Variants in RDX observed in about 807,000 individuals in gnomAD.
RDX encodes the protein radixin.
Under a neutral mutation model 83.7 loss-of-function variants are expected in RDX, and 32 were observed. The observed-to-expected ratio is 0.38, with a 90% CI of 0.29 to 0.51. RDX has a LOEUF of 0.51. RDX is among the 20% of genes least tolerant of loss of function. The pLI, the probability that RDX is intolerant of heterozygous loss-of-function variation, is 0.87. For missense variants in RDX, 600 were observed against 689.9 expected, an observed-to-expected ratio of 0.87 and a Z score of 1.46; for synonymous variants, 229 against 222.7, an observed-to-expected ratio of 1.03 and a Z score of -0.25.
chr11:110,255,047 TTATC>T (rs1859484836), intron 8 of RDX, among the ~76,000 whole-genome samples: 1 of 152,156 alleles, frequency 6.6e-6, no homozygotes, highest in South Asian at 2.1e-4. Flanking sequence ...CTAATAAATA[TTATC>T]TATTTATAAC....
chr11:110,205,678 C>T lies in RDX; in HGVS notation c.1749-6000G>A, dbSNP rs535254339. ...TGTTATATTAGTAATTAACAAAATG[C>T]AAATTATTAATAAAAGCACAATGTC... On this transcript the variant is annotated intron_variant, in intron 14 of 15. Coordinates refer to the RDX transcript ENST00000528498. 7.2e-5 allele frequency among the ~76,000 whole-genome samples: 11 copies of T among 152,074 alleles called. No homozygotes were observed. In the East Asian group the frequency reaches 2.1e-3, roughly 29 times the overall value.
chr11:110,295,651 A>AC (rs1046126468), intron 1 of RDX, among the ~76,000 whole-genome samples: 6 of 150,908 alleles, frequency 4.0e-5, no homozygotes, highest in Non-Finnish European at 5.9e-5. Flanking sequence ...TGAAAAAAAA[A>AC]AAAAAACAAA....
chr11:110,273,094 C>CT (rs1860368653), intron 2 of RDX: 1 of 455,934 alleles, frequency 2.2e-6, no homozygotes, highest in Non-Finnish European at 4.4e-6. Flanking sequence ...TGGCATGTGC[C>CT]TGTTATTTCC....
intron 14 of RDX, among the ~76,000 whole-genome samples, chr11:110,215,405 TAAATA>T (rs975294926): frequency 1.4e-4 from 21 of 149,072 alleles, no homozygotes; most frequent in Non-Finnish European, 2.8e-4. Context: ...AATAAATAAA[TAAATA>T]AAATAATAAT....
At chr11:110,222,223 T>C (rs981549089) in intron 14 of RDX, among the ~76,000 whole-genome samples, 3 of 152,320 alleles carry the variant, frequency 2.0e-5, no homozygotes, top group East Asian at 1.9e-4. Context: ...CTAGAAGACA[T>C]ACTTACTCGC....
At chr11:110,184,130 G>A (rs1384267970) in intron 15 of RDX, among the ~76,000 whole-genome samples, 2 of 152,222 alleles carry the variant, frequency 1.3e-5, no homozygotes, top group African/African-American at 4.8e-5. Context: ...GAGCCCAAGG[G>A]CAGAGGGGAT....
At chr11:110,286,743 T>C (rs1860996364) in intron 1 of RDX, among the ~76,000 whole-genome samples, 1 of 152,196 alleles carries the variant, frequency 6.6e-6, no homozygotes, top group South Asian at 2.1e-4. Context: ...GCCAATTTAC[T>C]GGGAGAAAGC....
At chr11:110,239,004 T>C (rs990024216) in intron 10 of RDX, among the ~76,000 whole-genome samples, 2 of 151,700 alleles carry the variant, frequency 1.3e-5, no homozygotes, top group African/African-American at 4.8e-5. Context: ...GGTTAGGCTT[T>C]GGTTAGGCTC....
intron 14 of RDX, among the ~76,000 whole-genome samples, chr11:110,218,628 T>C (rs1255840047): frequency 1.3e-5 from 2 of 152,210 alleles, no homozygotes; most frequent in African/African-American, 4.8e-5. Flanking sequence ...TTCACGGTAC[T>C]ACCTTCTGAA....
At chr11:110,198,556 T>G (rs1863283753) in intron 15 of RDX, among the ~76,000 whole-genome samples, 2 of 152,224 alleles carry the variant, frequency 1.3e-5, no homozygotes, top group Admixed American at 1.3e-4. Context: ...GCAGCAGCAT[T>G]AGATTCTCAA....
At chr11:110,294,450 T>A (rs1861364078) in intron 1 of RDX, among the ~76,000 whole-genome samples, 1 of 152,182 alleles carries the variant, frequency 6.6e-6, no homozygotes, top group Non-Finnish European at 1.5e-5. Context: ...ATAAATCTTT[T>A]GACTCTAGCT....
In RDX at chr11:110,210,774, C is replaced by T. The variant is rs1388740853; in HGVS notation, c.1749-11096G>A. 1.5e-4 allele frequency among the ~76,000 whole-genome samples: 23 copies of T among 152,134 alleles called. No individual in the cohort carries two copies. The East Asian group carries it at 2.3e-3, about 15-fold the overall frequency. On this transcript the variant is annotated intron_variant, in intron 14 of 15. Transcript: ENST00000528498. ...AGTGAAGGAGAAATAAAATACTTTA[C>T]GGACAAGCAAATGCTGAGAGATTTT...
chr11:110,251,884 A>G (rs1279254663), intron 9 of RDX, among the ~76,000 whole-genome samples: 1 of 152,172 alleles, frequency 6.6e-6, no homozygotes, highest in African/African-American at 2.4e-5. Flanking sequence ...GTAGGGAAAG[A>G]GGTCTCTTTG....
At chr11:110,250,555 C>T (rs1319779875) in intron 9 of RDX, among the ~76,000 whole-genome samples, 1 of 152,126 alleles carries the variant, frequency 6.6e-6, no homozygotes, top group African/African-American at 2.4e-5. Context: ...GCATATATGG[C>T]CCTTTCTGCA....
chr11:110,200,384 T>A (rs1356488209), intron 14 of RDX: 2 of 152,252 alleles, frequency 1.3e-5, no homozygotes, highest in Non-Finnish European at 2.9e-5. Context: ...CTCCGATATA[T>A]CCCTTAGAGA....
rs537167552 is a variant in RDX at position 110,281,421 on chromosome 11, C to T, written c.-64-1665G>A. 1.2e-4 allele frequency among the ~76,000 whole-genome samples: 18 copies of T among 151,982 alleles called. 1 individual carries two copies. The South Asian group carries it at 3.7e-3, about 32-fold the overall frequency. Reference sequence around the variant, plus strand: ...CTTAGCTCACTGCAACCTCTGCCTCCTGGGTTCAAGCGATTCTCCTGCTTC... The same window carrying T: ...CTTAGCTCACTGCAACCTCTGCCTCTTGGGTTCAAGCGATTCTCCTGCTTC... On this transcript the variant is annotated intron_variant, in intron 1 of 13. Coordinates refer to ENST00000645495, the MANE Select transcript of RDX (RefSeq NM_002906.4).
At chr11:110,286,627 AATT>A (rs1438136914) in intron 1 of RDX, among the ~76,000 whole-genome samples, 1 of 152,204 alleles carries the variant, frequency 6.6e-6, no homozygotes, top group African/African-American at 2.4e-5. Flanking sequence ...CCCTAAGCCT[AATT>A]TTAATTATTT....
rs1259082126 is a variant in RDX at position 110,195,185 on chromosome 11, C to T, written c.*31+4396G>A. ...TTCACCAAGTTGGCCAGGATGGTCT[C>T]GCTCTCTTGACCTCGTGACCCATCC... On this transcript the variant is annotated intron_variant, in intron 15 of 15. Transcript: ENST00000528498. Among the ~76,000 whole-genome samples the T allele has an allele frequency of 6.6e-5, 10 of 152,048 alleles. 1 individual carries two copies. The highest frequency in any genetic ancestry group is 4.2e-4 in the South Asian group (2 of 4,814).
At chr11:110,201,177 C>CAAAAAAAAA (rs34428422) in intron 14 of RDX, among the ~76,000 whole-genome samples, 1 of 82,026 alleles carries the variant, frequency 1.2e-5, no homozygotes. Flanking sequence ...ACTCCCGTCT[C>CAAAAAAAAA]AAAAAAAAAA....
Sources: allele counts gnomAD v4.1 joint callset (sites outside exome capture counted in the v4.1 genomes callset), GRCh38; gene constraint gnomAD v4.1.1; transcripts MANE v1.5; gene names NCBI Gene and HGNC (gene_info 2026-07-23, HGNC 2026-07-21).